LSM3: variants seen among roughly 807,000 people sequenced by gnomAD.
LSM3 encodes U6 snRNA-associated Sm-like protein LSm3.
A neutral mutation model predicts 15.4 loss-of-function variants in LSM3; 14 were observed. That is an observed-to-expected ratio of 0.91 (90% CI 0.60 to 1.42). LSM3 has a LOEUF of 1.42. LSM3 is among the 40% of genes most tolerant of loss of function. The pLI, the probability that LSM3 is intolerant of heterozygous loss-of-function variation, is 0.00. For missense variants in LSM3, 88 were observed against 127.9 expected, an observed-to-expected ratio of 0.69 and a Z score of 1.50; for synonymous variants, 46 against 45.1, an observed-to-expected ratio of 1.02 and a Z score of -0.08.
chr3:14,188,615 T>A (rs1274108137), intron 3 of LSM3, among the ~76,000 whole-genome samples: 1 of 152,046 alleles, frequency 6.6e-6, no homozygotes, highest in South Asian at 2.1e-4. Flanking sequence ...TTAGTTATTC[T>A]CCCTTCCCCT....
intron 3 of LSM3, among the ~76,000 whole-genome samples, chr3:14,190,101 TG>T (rs1237052897): frequency 6.6e-6 from 1 of 152,156 alleles, no homozygotes; most frequent in African/African-American, 2.4e-5. Context: ...AAAGATCAGG[TG>T]GTTGTGGCTG....
Position 14,183,993 on chromosome 3 carries a change from T to A in LSM3, c.189T>A (p.Thr63=), listed in dbSNP as rs778836184. The A allele has an allele frequency of 3.1e-6, 5 of 1,609,056 alleles. No homozygotes were observed. The African/African-American group carries it at 6.7e-5, about 22-fold the overall frequency. Residue 63 remains threonine (T), a synonymous_variant, in exon 3 of 4, where the codon ACT becomes ACA. Transcript: ENST00000306024. Reference sequence around the variant, plus strand: ...GAGATGTGGAAGAAACTGTGACTACTATAGAAATTGATGAAGAAACATATG... The same window carrying A: ...GAGATGTGGAAGAAACTGTGACTACAATAGAAATTGATGAAGAAACATATG... ...ILGDVEETVT[T]IEIDEETYEE... is the part of the protein sequence containing the mutation.
At chr3:14,192,352 C>T (rs904393891) in intron 3 of LSM3, among the ~76,000 whole-genome samples, 10 of 152,140 alleles carry the variant, frequency 6.6e-5, no homozygotes, top group Admixed American at 2.6e-4. Flanking sequence ...TTTTCTGTCT[C>T]GTTGATCTGT....
At chr3:14,178,909 A>G (rs1477270920) in intron 1 of LSM3, 28 bp downstream of exon 1, 1 of 1,613,710 alleles carries the variant, frequency 6.2e-7, no homozygotes, top group African/African-American at 1.3e-5. Flanking sequence ...AGGTCGCTCG[A>G]AGGAGCTTCT....
chr3:14,185,098 C>G (rs939288947), intron 3 of LSM3, among the ~76,000 whole-genome samples: 5 of 151,890 alleles, frequency 3.3e-5, no homozygotes, highest in Admixed American at 6.6e-5. Flanking sequence ...TGCCTGCAAT[C>G]CCACCACTTT....
chr3:14,189,179 C>T (rs1023578515), intron 3 of LSM3, among the ~76,000 whole-genome samples: 1 of 152,196 alleles, frequency 6.6e-6, no homozygotes, highest in Non-Finnish European at 1.5e-5. Flanking sequence ...ATATGTGCCA[C>T]ATTGTCTTAA....
At chr3:14,184,379 C>CT (rs1288315504) in intron 3 of LSM3, among the ~76,000 whole-genome samples, 1 of 152,154 alleles carries the variant, frequency 6.6e-6, no homozygotes, top group Non-Finnish European at 1.5e-5. Context: ...GGACAGTGTT[C>CT]TTTCGTTTTC....
rs73142679 is a variant in LSM3, at chr3:14,195,001, G to C, written c.229-3035G>C. 9.9e-3 allele frequency among the ~76,000 whole-genome samples: 1,512 copies of C among 152,012 alleles called. 26 individuals carry two copies. The highest frequency in any genetic ancestry group is 0.034 in the African/African-American group (1,420 of 41,462). ...CGTGTTGGCTAGACTGTGGTAACAG[G>C]TACCCCCTAAACATGTACTGGCTCA... On this transcript the variant is annotated intron_variant, in intron 3 of 3. Coordinates refer to ENST00000306024, the MANE Select transcript of LSM3 (RefSeq NM_014463.3).
chr3:14,197,538 A>G (rs1574991447), intron 3 of LSM3, among the ~76,000 whole-genome samples: 2 of 152,250 alleles, frequency 1.3e-5, no homozygotes, highest in Non-Finnish European at 2.9e-5. Context: ...TCTCTTGCCC[A>G]TATGACAGCC....
rs376894823 is a variant in LSM3, at chr3:14,189,421, A to C, written c.228+5389A>C. 7.3e-4 allele frequency among the ~76,000 whole-genome samples: 111 copies of C among 152,332 alleles called. 1 individual carries two copies. In the South Asian group the frequency reaches 0.022, roughly 30 times the overall value. The stretch of plus-strand genomic sequence containing the variant: ...TGAAATAATTTTCACTCCCACCAAC[A>C]GTGTAAAAGCATTTCAGTTTTTCCA... On this transcript the variant is annotated intron_variant, in intron 3 of 3. Coordinates refer to ENST00000306024, the MANE Select transcript of LSM3 (RefSeq NM_014463.3).
intron 1 of LSM3, 134 bp downstream of exon 1, chr3:14,179,015 A>ACC: frequency 1.0e-6 from 1 of 953,462 alleles, no homozygotes; most frequent in Non-Finnish European, 1.6e-6. Context: ...CCTTTCCGTA[A>ACC]CCCCCCCTCC....
chr3:14,184,512 T>C (rs1697068989), intron 3 of LSM3, among the ~76,000 whole-genome samples: 1 of 151,900 alleles, frequency 6.6e-6, no homozygotes. Context: ...CCCAGCACTT[T>C]GGGAGGCCGA....
chr3:14,183,506 CAA>C (rs1389160970), intron 2 of LSM3, among the ~76,000 whole-genome samples: 3 of 152,146 alleles, frequency 2.0e-5, no homozygotes, highest in Non-Finnish European at 4.4e-5. Context: ...TACCAGTAAA[CAA>C]AGGATTTTAT....
intron 3 of LSM3, 47 bp from the exon 4 acceptor site, chr3:14,197,989 G>A: frequency 6.9e-7 from 1 of 1,443,890 alleles, no homozygotes. Context: ...ACAATAAGCA[G>A]TAATACACAG....
chr3:14,183,997 G>A lies in LSM3; in HGVS notation c.193G>A (p.Glu65Lys), dbSNP rs1697063365. Residue 65 changes from glutamate to lysine, a missense_variant, in exon 3 of 4, where the codon GAA (glutamate) becomes AAA (lysine). By Grantham distance (56) the Glu-to-Lys change is moderately conservative. Transcript: ENST00000306024. ...GDVEETVTTI[E>K]IDEETYEEIY... ...TGTGGAAGAAACTGTGACTACTATAGAAATTGATGAAGAAACATATGAAGA... is the reference window on the plus strand; with the variant it reads ...TGTGGAAGAAACTGTGACTACTATAAAAATTGATGAAGAAACATATGAAGA... The A allele has an allele frequency of 1.2e-6, 2 of 1,608,176 alleles. No individual in the cohort carries two copies. The highest frequency in any genetic ancestry group is 1.7e-6 in the Non-Finnish European group (2 of 1,178,478).
intron 3 of LSM3, among the ~76,000 whole-genome samples, chr3:14,197,091 A>G (rs553255515): frequency 6.6e-6 from 1 of 152,294 alleles, no homozygotes; most frequent in Non-Finnish European, 1.5e-5. Flanking sequence ...TACCTGGGAA[A>G]TTTTGCTGGG....
chr3:14,197,956 A>AT (rs944148941), intron 3 of LSM3, 80 bp from the exon 4 acceptor site: 7 of 1,261,978 alleles, frequency 5.5e-6, no homozygotes, highest in Non-Finnish European at 1.2e-6. Flanking sequence ...TGATGAATCC[A>AT]TTTTTTAACA....
At chr3:14,181,709 T>A in intron 2 of LSM3, 39 bp downstream of exon 2, 2 of 1,379,694 alleles carry the variant, frequency 1.4e-6, no homozygotes, top group South Asian at 2.3e-5. Flanking sequence ...ATCAGATTCC[T>A]TCCTACCCCC....
rs757812014 is a variant in LSM3, at chr3:14,198,685, C to T, written c.*569C>T. ...ACCAGCCTGGCCAACATGGTGAAAC[C>T]CTTTCTCTACTGAAAATATAAAAAT... On this transcript the variant is annotated 3_prime_UTR_variant, in exon 4 of 4. Coordinates refer to ENST00000306024, the MANE Select transcript of LSM3 (RefSeq NM_014463.3). 6.6e-6 allele frequency: 1 copy of T among 152,622 alleles called. No homozygotes were observed. Among genetic ancestry groups the T allele is most frequent in the African/African-American group, 2.4e-5 (1 of 41,376 alleles). The allele number at this position is 152,622 out of a possible 1,614,324, so 9.5% of individuals were successfully genotyped here.
Sources: allele counts gnomAD v4.1 joint callset (sites outside exome capture counted in the v4.1 genomes callset), GRCh38; gene constraint gnomAD v4.1.1; transcripts MANE v1.5; gene names NCBI Gene and HGNC (gene_info 2026-07-23, HGNC 2026-07-21).